The following TOX2 variants were observed in gnomAD, a reference collection of about 807,000 sequenced individuals.
TOX2 encodes granulosa cell HMG box 1.
In TOX2, 15 loss-of-function variants were observed where a neutral mutation model predicts 47.4. The observed-to-expected ratio is 0.32, with a 90% confidence interval of 0.21 to 0.49. The LOEUF (loss-of-function observed/expected upper bound fraction) is 0.49. TOX2 is among the 20% of genes least tolerant of loss of function. The probability of loss-of-function intolerance (pLI) is 0.99; values close to 1 mark genes in which losing one functional copy is unlikely to be tolerated. For missense variants in TOX2, 622 were observed against 673.1 expected, an observed-to-expected ratio of 0.92 and a Z score of 0.84; for synonymous variants, 290 against 296.6, an observed-to-expected ratio of 0.98 and a Z score of 0.23.
At chr20:43,988,373 C>T (rs1381538652) in intron 2 of TOX2, among the ~76,000 whole-genome samples, 1 of 152,190 alleles carries the variant, frequency 6.6e-6, no homozygotes, top group African/African-American at 2.4e-5. Flanking sequence ...TGTACAGACA[C>T]ATTCATGCAC....
intron 2 of TOX2, among the ~76,000 whole-genome samples, chr20:43,979,949 A>G (rs963515642): frequency 4.6e-5 from 7 of 152,228 alleles, no homozygotes; most frequent in African/African-American, 1.7e-4. Flanking sequence ...TAGTATAACT[A>G]CTGTGGAGAA....
At chr20:43,969,862 T>G (rs1409364961) in intron 1 of TOX2, among the ~76,000 whole-genome samples, 1 of 152,142 alleles carries the variant, frequency 6.6e-6, no homozygotes, top group Non-Finnish European at 1.5e-5. Flanking sequence ...TAGACATTGG[T>G]TGAATAAAGG....
intron 1 of TOX2, among the ~76,000 whole-genome samples, chr20:43,932,216 T>C (rs114477643): frequency 0.011 from 1,676 of 152,268 alleles, 40 homozygotes; most frequent in African/African-American, 0.038. Flanking sequence ...ACCAGAAGCA[T>C]GAGAAAGTGC....
intron 1 of TOX2, among the ~76,000 whole-genome samples, chr20:43,921,090 G>A (rs948950306): frequency 6.6e-6 from 1 of 152,212 alleles, no homozygotes; most frequent in South Asian, 2.1e-4. Flanking sequence ...AGGAGCCAGG[G>A]CAGGACCCCG....
chr20:43,984,264 G>A (rs982914861), intron 2 of TOX2, among the ~76,000 whole-genome samples: 1 of 152,188 alleles, frequency 6.6e-6, no homozygotes, highest in Non-Finnish European at 1.5e-5. Flanking sequence ...AATACCAGAG[G>A]CCTTAAAGGA....
chr20:43,995,420 T>A (rs6093911), intron 2 of TOX2, among the ~76,000 whole-genome samples: 7,939 of 152,256 alleles, frequency 0.052, 403 homozygotes, highest in African/African-American at 0.13. Context: ...GCTCCAGTTG[T>A]TGGGGTTTGG....
At chr20:44,030,341 A>G (rs1214131575) in intron 3 of TOX2, among the ~76,000 whole-genome samples, 2 of 152,134 alleles carry the variant, frequency 1.3e-5, no homozygotes, top group African/African-American at 4.8e-5. Context: ...ATCACCTCTC[A>G]GCTGGAAGTT....
intron 8 of TOX2, 43 bp downstream of exon 8, chr20:44,066,900 A>G (rs1322935574): frequency 4.4e-6 from 7 of 1,586,414 alleles, no homozygotes; most frequent in African/African-American, 2.7e-5. Flanking sequence ...CCAGCCAGGG[A>G]GAGTGGGAAC....
At chr20:44,051,634 G>A in intron 4 of TOX2, 89 bp downstream of exon 4, 1 of 1,494,388 alleles carries the variant, frequency 6.7e-7, no homozygotes, top group Non-Finnish European at 8.9e-7. Context: ...CCTCCCTCTA[G>A]TAAAGACTAG....
At chr20:43,922,993 C>T (rs113609082) in intron 1 of TOX2, among the ~76,000 whole-genome samples, 77 of 147,368 alleles carry the variant, frequency 5.2e-4, no homozygotes, top group Admixed American at 1.6e-3. Context: ...CTGAGCAGTG[C>T]CAATGCCGGG....
At chr20:44,057,570 G>A (rs1007655731) in intron 5 of TOX2, among the ~76,000 whole-genome samples, 2 of 152,146 alleles carry the variant, frequency 1.3e-5, no homozygotes, top group Non-Finnish European at 2.9e-5. Flanking sequence ...AATCATCAAA[G>A]AGCTAATAAT....
Position 44,065,775 on chromosome 20 carries a change from C to T in TOX2, c.1024C>T (p.Pro342Ser). The T allele has an allele frequency of 6.2e-7, 1 of 1,610,986 alleles. No individual in the cohort carries two copies. Among genetic ancestry groups the T allele is most frequent in the Non-Finnish European group, 8.5e-7 (1 of 1,177,564 alleles). The stretch of plus-strand genomic sequence containing the variant: ...AAACCCACCAGCCAAAATGCTCCCA[C>T]CCAAGCAGCCCATGTATGCCATGCC... ...QANPPAKMLPPKQPMYAMPGL... is the reference protein window; with the variant it reads ...QANPPAKMLPSKQPMYAMPGL... Residue 342 changes from proline (P) to serine (S), a missense_variant, in exon 7 of 9, where the codon CCC becomes TCC. By Grantham distance (74) the Pro-to-Ser change is moderately conservative. Around this residue, in one of 3 missense-constraint regions of TOX2, gnomAD observed 294 missense variants for 300.0 expected, o/e 0.98. Coordinates refer to ENST00000341197, the MANE Select transcript of TOX2 (RefSeq NM_001098797.2).
chr20:43,969,526 C>A (rs577245942), intron 1 of TOX2, among the ~76,000 whole-genome samples: 3 of 152,198 alleles, frequency 2.0e-5, no homozygotes, highest in Non-Finnish European at 4.4e-5. Context: ...AAGCCCCAGG[C>A]CTTAGAGTAC....
At chr20:43,935,752 C>G (rs957847532) in intron 1 of TOX2, among the ~76,000 whole-genome samples, 1 of 151,700 alleles carries the variant, frequency 6.6e-6, no homozygotes, top group Non-Finnish European at 1.5e-5. Context: ...ATGGTGAAAC[C>G]CTGTCTCTCC....
chr20:44,053,601 T>C (rs527779162), intron 4 of TOX2, among the ~76,000 whole-genome samples: 447 of 68,608 alleles, frequency 6.5e-3, no homozygotes, highest in Non-Finnish European at 6.9e-3. Flanking sequence ...TACACACACA[T>C]ATATATACAT....
intron 1 of TOX2, among the ~76,000 whole-genome samples, chr20:43,966,767 A>G (rs2069860778): frequency 6.6e-6 from 1 of 151,744 alleles, no homozygotes; most frequent in Non-Finnish European, 1.5e-5. Flanking sequence ...AAAAAAAAAA[A>G]AAAGTGGGGG....
At chr20:44,031,293 C>T (rs552507771) in intron 3 of TOX2, among the ~76,000 whole-genome samples, 7 of 152,290 alleles carry the variant, frequency 4.6e-5, no homozygotes, top group Non-Finnish European at 1.0e-4. Context: ...TAGTACTGCG[C>T]TGGAATAAGC....
intron 5 of TOX2, among the ~76,000 whole-genome samples, chr20:44,063,695 C>T (rs1378742457): frequency 6.6e-6 from 1 of 152,064 alleles, no homozygotes; most frequent in East Asian, 1.9e-4. Context: ...ATGGAACCAG[C>T]CCAAATGCCC....
intron 1 of TOX2, among the ~76,000 whole-genome samples, chr20:43,950,167 A>C (rs562755830): frequency 6.6e-5 from 10 of 152,272 alleles, no homozygotes; most frequent in African/African-American, 2.4e-4. Context: ...GAGCAGAGCA[A>C]ACTCAACAAT....
Sources: gnomAD v4.1 joint callset for allele counts (sites outside exome capture counted in the v4.1 genomes callset) on GRCh38, gnomAD v4.1.1 for gene constraint, gnomAD v4.1.1 regional missense constraint, MANE v1.5 for transcripts, NCBI Gene and HGNC (gene_info 2026-07-23, HGNC 2026-07-21) for gene names.